PDXDC1: variants seen among roughly 807,000 people sequenced by gnomAD.
The protein encoded by PDXDC1 is pyridoxal dependent decarboxylase domain containing 1.
Under a neutral mutation model 100.1 loss-of-function variants are expected in PDXDC1, and 42 were observed. The observed-to-expected ratio is 0.42, with a 90% CI of 0.33 to 0.54. The LOEUF is 0.54. Ranked by LOEUF, PDXDC1 falls within the 20% of genes least tolerant of loss-of-function variation. The pLI is 0.10. For synonymous variants in PDXDC1, 260 were observed against 371.7 expected, an observed-to-expected ratio of 0.70 and a Z score of 3.46; for missense variants, 636 against 979.2, an observed-to-expected ratio of 0.65 and a Z score of 4.68.
At chr16:15,130,223 G>A (rs2047975765) in intron 16 of PDXDC1, 7 of 1,551,094 alleles carry the variant, frequency 4.5e-6, no homozygotes, top group Non-Finnish European at 6.1e-6. Context: ...AGCGTACATG[G>A]CTTGGGGGCA....
downstream of PDXDC1, among the ~76,000 whole-genome samples, chr16:15,140,644 C>T (rs1232019627): frequency 1.5e-4 from 23 of 152,110 alleles, no homozygotes; most frequent in Non-Finnish European, 2.5e-4. Context: ...GCATGTCTCT[C>T]TTTTCAGAGC....
chr16:15,001,460 G>T (rs547076303), intron 3 of PDXDC1, among the ~76,000 whole-genome samples: 1 of 152,406 alleles, frequency 6.6e-6, no homozygotes, highest in South Asian at 2.1e-4. Context: ...CTTCCCTCCA[G>T]CTTGGGTGAC....
the PDXDC1 span, among the ~76,000 whole-genome samples, chr16:15,150,123 T>C: frequency 1.3e-5 from 2 of 151,924 alleles, no homozygotes; most frequent in African/African-American, 4.8e-5. Flanking sequence ...GGCGGGTGGA[T>C]CACGAGGTCA....
rs780414420 is a variant in PDXDC1, at chr16:15,128,437, C to T, written c.1400-10442C>T. 19 of 1,071,654 alleles carry T rather than the reference C, an allele frequency of 1.8e-5. No homozygotes were observed. The Admixed American group carries it at 1.9e-4, about 11-fold the overall frequency. 66.4% of individuals were successfully genotyped at this position (1,071,654 alleles called of 1,614,324 possible). A position where few individuals can be genotyped will look rare whatever the true frequency, so the allele number is the denominator to read the frequency against. ...GGGAGGCTCGGTCTGCTGCCCAACA[C>T]GTGTGGCATCCCAGGCAAGTCATCT... On this transcript the variant is annotated intron_variant, in intron 16 of 16. Coordinates refer to the PDXDC1 transcript ENST00000535621.
At chr16:15,034,617 G>T in intron 21 of PDXDC1, 64 bp downstream of exon 21, 1 of 1,178,520 alleles carries the variant, frequency 8.5e-7, no homozygotes, top group South Asian at 1.2e-5. Context: ...AATGCCCTTG[G>T]GTCCCAACAC....
intron 17 of PDXDC1, 169 bp downstream of exon 17, chr16:15,032,075 G>A (rs1374874017): frequency 3.1e-6 from 2 of 639,406 alleles, no homozygotes; most frequent in South Asian, 2.0e-5. Context: ...GTGCAAGCAG[G>A]CAATTTGGCC....
intron 16 of PDXDC1, among the ~76,000 whole-genome samples, chr16:15,079,246 T>C (rs1223588205): frequency 6.6e-6 from 1 of 152,218 alleles, no homozygotes; most frequent in Non-Finnish European, 1.5e-5. Flanking sequence ...TCATCTTTCC[T>C]GACAATGTCA....
chr16:15,127,781 G>A lies in PDXDC1; in HGVS notation c.1400-11098G>A, dbSNP rs199553292. ...ACGCAGCAGGTGGCCCTCTGGATGC[G>A]AGTGAAACAGCTACGAGGCGGCCGG... On this transcript the variant is annotated intron_variant, in intron 16 of 16. Coordinates refer to the PDXDC1 transcript ENST00000535621. 12 of 1,554,340 alleles carry A rather than the reference G, an allele frequency of 7.7e-6. No individual in the cohort carries two copies. The African/African-American group carries it at 8.2e-5, about 11-fold the overall frequency.
chr16:14,988,475 G>T (rs1969929967), intron 1 of PDXDC1: 1 of 1,613,894 alleles, frequency 6.2e-7, no homozygotes, highest in Non-Finnish European at 8.5e-7. Context: ...GGTCCTGCAG[G>T]TGTGTGAGGT....
At chr16:14,980,655 A>G (rs1164255474) in intron 1 of PDXDC1, among the ~76,000 whole-genome samples, 1 of 152,254 alleles carries the variant, frequency 6.6e-6, no homozygotes, top group African/African-American at 2.4e-5. Flanking sequence ...TTGTATTTTT[A>G]GTAGAGATGT....
At chr16:15,085,803 T>C in intron 16 of PDXDC1, 5 of 1,486,476 alleles carry the variant, frequency 3.4e-6, no homozygotes, top group Non-Finnish European at 4.5e-6. Flanking sequence ...ATAAAAAAAG[T>C]TATTTTTCCA....
intron 1 of PDXDC1, chr16:14,990,046 C>G: frequency 6.7e-7 from 1 of 1,486,716 alleles, no homozygotes; most frequent in Non-Finnish European, 8.9e-7. Flanking sequence ...CGCTGCGCGC[C>G]GGACCCCCCA....
rs1229390533 is a variant in PDXDC1 at position 15,037,002 on chromosome 16, A to G, written c.*727A>G. 6.6e-6 allele frequency: 1 copy of G among 152,406 alleles called. No homozygotes were observed. The highest frequency in any genetic ancestry group is 1.5e-5 in the Non-Finnish European group (1 of 68,172). 9.4% of individuals were successfully genotyped at this position (152,406 alleles called of 1,614,324 possible). The stretch of plus-strand genomic sequence containing the variant: ...GCTTTTAAAATTGGCACACAAGTAC[A>G]GACTGTGCTCATTTCTGTTTAGTAT... On this transcript the variant is annotated 3_prime_UTR_variant, in exon 23 of 23. Transcript: ENST00000396410.
rs563608593 is a variant in PDXDC1 at position 15,043,911 on chromosome 16, G to A, written c.1399+13855G>A. Among the ~76,000 whole-genome samples the A allele has an allele frequency of 1.4e-4, 22 of 151,924 alleles. No homozygotes were observed. The East Asian group carries it at 3.9e-3, about 27-fold the overall frequency. On this transcript the variant is annotated intron_variant, in intron 16 of 16. Coordinates refer to the PDXDC1 transcript ENST00000535621. ...TGCAGTGAGCCGAGATCATGCTACTGCACTCCAACTTGGGCAACAGAGCAA... is the reference window on the plus strand; with the variant it reads ...TGCAGTGAGCCGAGATCATGCTACTACACTCCAACTTGGGCAACAGAGCAA...
At chr16:15,066,505 C>T (rs2044979845) in intron 16 of PDXDC1, among the ~76,000 whole-genome samples, 2 of 151,774 alleles carry the variant, frequency 1.3e-5, no homozygotes, top group South Asian at 2.1e-4. Flanking sequence ...TGGTGGCAGG[C>T]GCCTGTAGTC....
At chr16:15,142,730 C>T (rs1347719423), downstream of PDXDC1, among the ~76,000 whole-genome samples, 6 of 152,106 alleles carry the variant, frequency 3.9e-5, no homozygotes, top group Admixed American at 1.3e-4. Context: ...CAGGCAGCCT[C>T]GCGCCAGCCC....
chr16:15,057,834 C>T (rs948581428), intron 16 of PDXDC1, among the ~76,000 whole-genome samples: 1 of 152,148 alleles, frequency 6.6e-6, no homozygotes, highest in African/African-American at 2.4e-5. Flanking sequence ...GGGGCTGGTG[C>T]AGTTTGCCTA....
the PDXDC1 span, among the ~76,000 whole-genome samples, chr16:15,147,209 T>C: frequency 8.4e-5 from 12 of 142,828 alleles, no homozygotes; most frequent in African/African-American, 1.6e-4. Context: ...TGCACCTGGG[T>C]GCAGGGCCCC....
chr16:15,133,651 C>A (rs567957191), intron 16 of PDXDC1: 22 of 1,433,886 alleles, frequency 1.5e-5, no homozygotes, highest in Non-Finnish European at 2.0e-5. Flanking sequence ...GACAGCGCTG[C>A]AGCAGCAGGG....
Sources: gnomAD v4.1 joint callset for allele counts (sites outside exome capture counted in the v4.1 genomes callset) on GRCh38, gnomAD v4.1.1 for gene constraint, MANE v1.5 for transcripts, NCBI Gene and HGNC (gene_info 2026-07-23, HGNC 2026-07-21) for gene names.